The following ATP2C1 variants were observed in gnomAD, a reference collection of about 807,000 sequenced individuals.
ATP2C1 encodes ATPase secretory pathway Ca2+ transporting 1, also known as calcium-transporting ATPase type 2C member 1.
Under a neutral mutation model 120.5 loss-of-function variants are expected in ATP2C1, and 31 were observed. The ratio of observed to expected loss-of-function variants is 0.26; its 90% confidence interval spans 0.19 to 0.35. The LOEUF (loss-of-function observed/expected upper bound fraction) is 0.35, where lower values mean the gene tolerates loss of function less well. Ranked by LOEUF, ATP2C1 falls within the 10% of genes least tolerant of loss-of-function variation. The pLI, the probability that ATP2C1 is intolerant of heterozygous loss-of-function variation, is 1.00. For synonymous variants in ATP2C1, 351 were observed against 358.7 expected (o/e 0.98, Z 0.24); for missense variants, 731 against 1,107.5 (o/e 0.66, Z 4.83).
chr3:130,931,677 A>AT (rs1035940869), intron 3 of ATP2C1, among the ~76,000 whole-genome samples: 2 of 152,006 alleles, frequency 1.3e-5, no homozygotes, highest in East Asian at 1.9e-4. Flanking sequence ...TTTTGTTTAC[A>AT]TTTTTTTTAA....
At chr3:131,006,735 T>C (rs2063133790), downstream of ATP2C1, among the ~76,000 whole-genome samples, 1 of 151,386 alleles carries the variant, frequency 6.6e-6, no homozygotes, top group Non-Finnish European at 1.5e-5. Context: ...TGATCATGGC[T>C]CACTGCAGCC....
rs1199367144 is a variant in ATP2C1 at position 130,911,926 on chromosome 3, A to G, written c.6+17151A>G. On this transcript the variant is annotated intron_variant, in intron 2 of 27. Transcript: ENST00000510168. ...GAGATATAGATCAATGGAACAGAAC[A>G]GAGCCCTCAGAAATAACGCCGCATA... is the stretch of plus-strand genomic sequence containing the variant. Among the ~76,000 whole-genome samples the G allele has an allele frequency of 2.1e-5, 3 of 142,766 alleles. No individual in the cohort carries two copies. In the Admixed American group the frequency reaches 2.2e-4, roughly 10 times the overall value. 93.7% of individuals were successfully genotyped at this position (142,766 alleles called of 152,430 possible).
In ATP2C1 at chr3:131,003,121, TATAAAA is replaced by T; in HGVS notation, c.*1780_*1785del. 1.0e-6 allele frequency: 1 copy of T among 982,742 alleles called. No homozygotes were observed. Among genetic ancestry groups the T allele is most frequent in the Non-Finnish European group, 1.2e-6 (1 of 827,070 alleles). The allele number at this position is 982,742 out of a possible 1,614,324, so 60.9% of individuals were successfully genotyped here. On this transcript the variant is annotated 3_prime_UTR_variant, in exon 28 of 28. Coordinates refer to ENST00000510168, the MANE Select transcript of ATP2C1 (RefSeq NM_001378687.1). ...GCCTATACATTCATTTGCTTTGTACTATAAAAATAAAAATGATTTCTTAAGTTAATG... is the reference window on the plus strand; with the variant it reads ...GCCTATACATTCATTTGCTTTGTACTATAAAAATGATTTCTTAAGTTAATG...
At chr3:130,983,427 TA>T (rs2061859830) in intron 20 of ATP2C1, among the ~76,000 whole-genome samples, 1 of 152,236 alleles carries the variant, frequency 6.6e-6, no homozygotes, top group Admixed American at 6.5e-5. Context: ...TTCATATTAA[TA>T]GACTGCATTA....
At chr3:130,961,804 TATTAGAC>T (rs2060832873) in intron 12 of ATP2C1, among the ~76,000 whole-genome samples, 1 of 152,014 alleles carries the variant, frequency 6.6e-6, no homozygotes, top group African/African-American at 2.4e-5. Flanking sequence ...TTTTCACAAT[TATTAGAC>T]AAATCAGAAG....
At chr3:130,965,418 G>T (rs563647343) in intron 14 of ATP2C1, among the ~76,000 whole-genome samples, 74 of 152,002 alleles carry the variant, frequency 4.9e-4, no homozygotes, top group African/African-American at 1.8e-3. Flanking sequence ...TTCCATTCTT[G>T]ATGCCCTCAC....
intron 2 of ATP2C1, among the ~76,000 whole-genome samples, chr3:130,911,663 A>G (rs1204993418): frequency 6.6e-6 from 1 of 152,182 alleles, no homozygotes; most frequent in African/African-American, 2.4e-5. Context: ...TATTGTGAAA[A>G]TGGCCATACT....
chr3:130,987,398 A>G (rs924801024), intron 20 of ATP2C1, among the ~76,000 whole-genome samples: 2 of 152,114 alleles, frequency 1.3e-5, no homozygotes, highest in African/African-American at 2.4e-5. Flanking sequence ...TGCAACCTCA[A>G]ACTCCTGGGT....
intron 1 of ATP2C1, among the ~76,000 whole-genome samples, chr3:130,878,294 A>G (rs1025721055): frequency 6.6e-6 from 1 of 152,224 alleles, no homozygotes; most frequent in African/African-American, 2.4e-5. Context: ...TAATAAAAAA[A>G]TCATAAAATG....
chr3:131,003,474 C>T (rs529727759), downstream of ATP2C1, among the ~76,000 whole-genome samples: 60 of 152,090 alleles, frequency 3.9e-4, no homozygotes, highest in Non-Finnish European at 8.8e-5. Context: ...GTTATTTGGC[C>T]CCATAATGGC....
intron 19 of ATP2C1, among the ~76,000 whole-genome samples, chr3:130,979,863 A>G (rs1282371652): frequency 6.6e-6 from 1 of 152,198 alleles, no homozygotes; most frequent in Non-Finnish European, 1.5e-5. Context: ...GCTATTTAAG[A>G]TTACCGTAAG....
intron 2 of ATP2C1, among the ~76,000 whole-genome samples, chr3:130,901,310 T>A (rs2057809263): frequency 6.6e-6 from 1 of 152,062 alleles, no homozygotes; most frequent in Admixed American, 6.6e-5. Context: ...CTGCCAGCCC[T>A]CTATCCTAAA....
intron 1 of ATP2C1, among the ~76,000 whole-genome samples, chr3:130,859,033 A>T (rs920565337): frequency 3.3e-5 from 5 of 152,182 alleles, no homozygotes; most frequent in African/African-American, 7.2e-5. Flanking sequence ...TCCTTAGGGG[A>T]TGTTGTGGCA....
At chr3:130,900,144 C>T (rs189657684) in intron 2 of ATP2C1, among the ~76,000 whole-genome samples, 4 of 152,100 alleles carry the variant, frequency 2.6e-5, no homozygotes, top group African/African-American at 7.2e-5. Context: ...CTCACCAAAG[C>T]CCCTAACTCC....
At chr3:130,860,138 G>A (rs912258884) in intron 1 of ATP2C1, among the ~76,000 whole-genome samples, 1 of 152,160 alleles carries the variant, frequency 6.6e-6, no homozygotes, top group Non-Finnish European at 1.5e-5. Context: ...AACATAAAGT[G>A]CAAAACCCTT....
At chr3:130,903,097 G>T (rs186857725) in intron 2 of ATP2C1, among the ~76,000 whole-genome samples, 2 of 152,152 alleles carry the variant, frequency 1.3e-5, no homozygotes, top group East Asian at 3.9e-4. Context: ...GTAGGTAAAA[G>T]TCCTTGAGTT....
intron 2 of ATP2C1, among the ~76,000 whole-genome samples, chr3:130,915,104 C>T (rs2058622999): frequency 6.7e-6 from 1 of 150,084 alleles, no homozygotes. Context: ...TTTTTTTTTC[C>T]CCCCCTTGAG....
chr3:130,968,770 A>G (rs2061163910), intron 16 of ATP2C1, among the ~76,000 whole-genome samples: 1 of 152,086 alleles, frequency 6.6e-6, no homozygotes, highest in Non-Finnish European at 1.5e-5. Context: ...ATTTTTTGAT[A>G]TTTTTGATAT....
At chr3:130,953,668 C>T (rs1226007814) in intron 8 of ATP2C1, among the ~76,000 whole-genome samples, 153 bp from the exon 9 acceptor site, 1 of 152,096 alleles carries the variant, frequency 6.6e-6, no homozygotes, top group South Asian at 2.1e-4. Flanking sequence ...TATGATTGTA[C>T]TGATTCTGGT....
Sources: gnomAD v4.1 joint callset for allele counts (sites outside exome capture counted in the v4.1 genomes callset) on GRCh38, gnomAD v4.1.1 for gene constraint, MANE v1.5 for transcripts, NCBI Gene and HGNC (gene_info 2026-07-23, HGNC 2026-07-21) for gene names.